The following HCN1 variants were observed in gnomAD, a reference collection of about 807,000 sequenced individuals.
HCN1 encodes the protein hyperpolarization activated cyclic nucleotide gated potassium channel 1, also known as potassium/sodium hyperpolarization-activated cyclic nucleotide-gated channel 1.
Under a neutral mutation model 78.9 loss-of-function variants are expected in HCN1, and 13 were observed. The observed-to-expected ratio is 0.16, with a 90% CI of 0.11 to 0.26. The LOEUF (loss-of-function observed/expected upper bound fraction) is 0.26. HCN1 is among the 10% of genes least tolerant of loss of function. The pLI, the probability that HCN1 is intolerant of heterozygous loss-of-function variation, is 1.00. For missense variants in HCN1, 810 were observed against 1,154.3 expected (o/e 0.70, Z 4.32); for synonymous variants, 552 against 455.5 (o/e 1.21, Z -2.70).
intron 2 of HCN1, among the ~76,000 whole-genome samples, chr5:45,535,486 T>C (rs911092829): frequency 2.6e-5 from 4 of 152,050 alleles, no homozygotes; most frequent in African/African-American, 7.2e-5. Flanking sequence ...TAATCCCAGC[T>C]ACTTGGGTGG....
chr5:45,260,122 G>A lies in HCN1; in HGVS notation c.*1799C>T, dbSNP rs116151715. On this transcript the variant is annotated 3_prime_UTR_variant, in exon 8 of 8. Coordinates refer to ENST00000303230, the MANE Select transcript of HCN1 (RefSeq NM_021072.4). ...ACAGGCAGCAAGGATCCACTTTAGA[G>A]TTTCTGCTTTTGTTTTTGTTTTCTG... is the stretch of plus-strand genomic sequence containing the variant. 6.6e-6 allele frequency: 1 copy of A among 152,238 alleles called. No homozygotes were observed. Among genetic ancestry groups the A allele is most frequent in the South Asian group, 2.1e-4 (1 of 4,826 alleles). 9.4% of individuals were successfully genotyped at this position (152,238 alleles called of 1,614,324 possible). A position where few individuals can be genotyped will look rare whatever the true frequency, so the allele number is the denominator to read the frequency against.
chr5:45,325,013 G>T (rs1339809561), intron 5 of HCN1, among the ~76,000 whole-genome samples: 1 of 151,700 alleles, frequency 6.6e-6, no homozygotes, highest in Non-Finnish European at 1.5e-5. Context: ...CATAGAAGGT[G>T]CCCAGGTGGG....
intron 2 of HCN1, among the ~76,000 whole-genome samples, chr5:45,491,457 A>T (rs1449874114): frequency 6.6e-6 from 1 of 152,108 alleles, no homozygotes; most frequent in East Asian, 1.9e-4. Context: ...AGGGGCCTTT[A>T]ACTTACCTTG....
chr5:45,297,227 G>A (rs917283603), intron 6 of HCN1, among the ~76,000 whole-genome samples: 1 of 152,096 alleles, frequency 6.6e-6, no homozygotes, highest in African/African-American at 2.4e-5. Flanking sequence ...CTGCAGCAGG[G>A]ACACACCCTT....
rs1740609159 is a variant in HCN1 at position 45,438,557 on chromosome 5, T to C, written c.1011+23289A>G. Among the ~76,000 whole-genome samples the C allele has an allele frequency of 4.1e-5, 6 of 147,756 alleles. No individual in the cohort carries two copies. In the South Asian group the frequency reaches 1.3e-3, roughly 31 times the overall value. ...AGTGAGCCGAATCGCGCTACTGCAC[T>C]CCAGCCTGGGCCACAGAGCGAGACT... On this transcript the variant is annotated intron_variant, in intron 3 of 7. Transcript: ENST00000303230.
intron 2 of HCN1, among the ~76,000 whole-genome samples, chr5:45,552,781 C>T (rs180688076): frequency 1.8e-4 from 27 of 151,896 alleles, no homozygotes; most frequent in Admixed American, 1.4e-3. Flanking sequence ...CATTAAAATT[C>T]GTAACTAAGA....
intron 5 of HCN1, among the ~76,000 whole-genome samples, chr5:45,316,171 A>C (rs745888960): frequency 6.6e-6 from 1 of 152,212 alleles, no homozygotes; most frequent in Non-Finnish European, 1.5e-5. Flanking sequence ...TCAATAAAAT[A>C]CTGGCAAACC....
intron 1 of HCN1, among the ~76,000 whole-genome samples, chr5:45,650,181 G>T (rs1437595060): frequency 6.6e-6 from 1 of 152,068 alleles, no homozygotes; most frequent in Non-Finnish European, 1.5e-5. Flanking sequence ...ATATTTAGCT[G>T]CCATAAACTT....
intron 2 of HCN1, among the ~76,000 whole-genome samples, chr5:45,540,275 C>G (rs781720154): frequency 1.3e-5 from 2 of 151,312 alleles, no homozygotes; most frequent in Non-Finnish European, 2.9e-5. Flanking sequence ...GCTCTTATCT[C>G]ATAATCTTCT....
intron 2 of HCN1, chr5:45,642,386 A>G (rs551338995): frequency 1.3e-5 from 2 of 152,212 alleles, no homozygotes; most frequent in African/African-American, 2.4e-5. Flanking sequence ...TATCTCATTC[A>G]TAATATTTTT....
At chr5:45,462,357 G>A (rs1165484153) in intron 2 of HCN1, among the ~76,000 whole-genome samples, 1 of 151,982 alleles carries the variant, frequency 6.6e-6, no homozygotes, top group Non-Finnish European at 1.5e-5. Flanking sequence ...ACAAATGATG[G>A]GTAGCTTCTA....
At chr5:45,575,784 G>A (rs1208780172) in intron 2 of HCN1, 1 of 152,100 alleles carries the variant, frequency 6.6e-6, no homozygotes, top group Non-Finnish European at 1.5e-5. Context: ...CTCTGATGAA[G>A]ATGTACAAGG....
intron 3 of HCN1, among the ~76,000 whole-genome samples, chr5:45,446,035 A>C (rs1482325390): frequency 6.6e-6 from 1 of 151,942 alleles, no homozygotes; most frequent in Non-Finnish European, 1.5e-5. Flanking sequence ...AAAGCTGGAC[A>C]GAGAATGACT....
At chr5:45,598,423 G>A (rs1744552505) in intron 2 of HCN1, among the ~76,000 whole-genome samples, 1 of 152,078 alleles carries the variant, frequency 6.6e-6, no homozygotes, top group Admixed American at 6.6e-5. Flanking sequence ...ATTCAAGATG[G>A]ATTAAAGACT....
At chr5:45,379,617 T>C (rs2112023970) in intron 4 of HCN1, among the ~76,000 whole-genome samples, 1 of 152,232 alleles carries the variant, frequency 6.6e-6, no homozygotes, top group South Asian at 2.1e-4. Flanking sequence ...CTATTTGTGT[T>C]TTTCTGCTTA....
chr5:45,464,119 C>A (rs1345761273), intron 2 of HCN1, among the ~76,000 whole-genome samples: 3 of 151,960 alleles, frequency 2.0e-5, no homozygotes, highest in Non-Finnish European at 4.4e-5. Context: ...AAATTAGATT[C>A]TTTTCATGGG....
intron 6 of HCN1, among the ~76,000 whole-genome samples, chr5:45,293,581 T>C (rs1020934374): frequency 6.6e-6 from 1 of 152,060 alleles, no homozygotes; most frequent in African/African-American, 2.4e-5. Flanking sequence ...AGGATTGTAA[T>C]ATGAACTTTT....
chr5:45,590,764 T>C (rs1411610982), intron 2 of HCN1, among the ~76,000 whole-genome samples: 7 of 152,196 alleles, frequency 4.6e-5, no homozygotes, highest in African/African-American at 1.2e-4. Context: ...CTTCTTTCAC[T>C]AAGTAATATG....
At chr5:45,526,117 A>G (rs1252364992) in intron 2 of HCN1, among the ~76,000 whole-genome samples, 2 of 152,084 alleles carry the variant, frequency 1.3e-5, no homozygotes, top group African/African-American at 4.8e-5. Flanking sequence ...TGTGTTATTT[A>G]TAAGCCACCC....
Sources: allele counts gnomAD v4.1 joint callset (sites outside exome capture counted in the v4.1 genomes callset), GRCh38; gene constraint gnomAD v4.1.1; transcripts MANE v1.5; gene names NCBI Gene and HGNC (gene_info 2026-07-23, HGNC 2026-07-21).